UNC119: variants seen among roughly 807,000 people sequenced by gnomAD.
UNC119 encodes protein unc-119 homolog A.
Under a neutral mutation model 22.6 loss-of-function variants are expected in UNC119, and 15 were observed. That is an observed-to-expected ratio of 0.66 (90% CI 0.44 to 1.02). The LOEUF (loss-of-function observed/expected upper bound fraction) is 1.02, where lower values mean the gene tolerates loss of function less well. UNC119 is among the 50% of genes least tolerant of loss of function. The pLI is 0.00. For missense variants in UNC119, 322 were observed against 336.0 expected (o/e 0.96, Z 0.33); for synonymous variants, 138 against 139.4 (o/e 0.99, Z 0.07).
chr17:28,547,319 T>C lies in UNC119; in HGVS notation c.701A>G (p.Tyr234Cys), dbSNP rs898900330. 4.3e-6 allele frequency: 7 copies of C among 1,614,158 alleles called. No individual in the cohort carries two copies. The East Asian group carries it at 8.9e-5, about 21-fold the overall frequency. The change falls in exon 5 of 5, where the codon TAT becomes TGT. Residue 234 changes from tyrosine to cysteine, a missense_variant. Transcript: ENST00000335765. ...DRLVMHNKAD[Y>C]SYSGTP The stretch of plus-strand genomic sequence containing the variant: ...GGGTCAGGGTGTCCCGCTGTAGGAA[T>C]AGTCTGCTTTATTGTGCATCACCAG...
chr17:28,552,558 G>T lies in UNC119; in HGVS notation c.-1C>A. On this transcript the variant is annotated 5_prime_UTR_variant, in exon 1 of 5. Coordinates refer to ENST00000335765, the MANE Select transcript of UNC119 (RefSeq NM_005148.4). The stretch of plus-strand genomic sequence containing the variant: ...CACCGCCGCCCTTCTTCACCTTCAT[G>T]GCCTTGCGGGGCCGAGGCTCGCCTG... 6.6e-7 allele frequency: 1 copy of T among 1,514,216 alleles called. No homozygotes were observed. The highest frequency in any genetic ancestry group is 8.8e-7 in the Non-Finnish European group (1 of 1,140,532). 93.8% of individuals were successfully genotyped at this position (1,514,216 alleles called of 1,614,324 possible).
In UNC119 at chr17:28,552,350, G is replaced by C; in HGVS notation, c.208C>G (p.Arg70Gly). The C allele has an allele frequency of 6.5e-7, 1 of 1,537,354 alleles. No homozygotes were observed. Among genetic ancestry groups the C allele is most frequent in the East Asian group, 2.4e-5 (1 of 41,142 alleles). The change falls in exon 1 of 5, where the codon CGG becomes GGG. Residue 70 changes from arginine (R) to glycine (G), a missense_variant. By Grantham distance (125) the Arg-to-Gly change is moderately radical. Coordinates refer to ENST00000335765, the MANE Select transcript of UNC119 (RefSeq NM_005148.4). ...CGCGGGTGCTCACCACCGGTGATCC[G>C]CTGCAGCCCCAGCACGTCCTCCGGC... ...IGPEDVLGLQ[R>G]ITGDYLCSPE... is the part of the protein sequence containing the mutation.
At chr17:28,548,963 G>T in intron 1 of UNC119, 1 of 445,956 alleles carries the variant, frequency 2.2e-6, no homozygotes, top group Admixed American at 3.5e-5. Flanking sequence ...GCAGAGAAGG[G>T]TAGAGGACAA....
At chr17:28,547,966 AC>A in intron 3 of UNC119, 32 bp downstream of exon 3, 2 of 1,612,816 alleles carry the variant, frequency 1.2e-6, no homozygotes, top group Non-Finnish European at 1.7e-6. Context: ...CCTCTCCCTC[AC>A]CCCCACCACC....
rs1567611130 is a variant in UNC119 at position 28,548,632 on chromosome 17, T to G, written c.294A>C (p.Ser98=). ...TCTTGATTTCAAAGAGGACAGTGCC[T>G]GAGTCCATGTCCCGAATCTTAAACC... ...FVRFKIRDMD[S]GTVLFEIKKP... The change falls in exon 2 of 5, where the codon TCA becomes TCC. Residue 98 remains serine (S), a synonymous_variant. Coordinates refer to ENST00000335765, the MANE Select transcript of UNC119 (RefSeq NM_005148.4). The G allele has an allele frequency of 6.2e-7, 1 of 1,614,186 alleles. No individual in the cohort carries two copies.
At chr17:28,548,505 A>G (rs1049767042) in intron 2 of UNC119, 87 bp downstream of exon 2, 27 of 1,136,136 alleles carry the variant, frequency 2.4e-5, no homozygotes, top group Non-Finnish European at 3.3e-5. Context: ...AGCTCTGTGG[A>G]CTCCTCTGTG....
At chr17:28,548,173 G>C (rs879486042) in intron 2 of UNC119, 72 bp from the exon 3 acceptor site, 5 of 1,463,992 alleles carry the variant, frequency 3.4e-6, no homozygotes, top group Non-Finnish European at 3.7e-6. Flanking sequence ...TCTACCCTTG[G>C]GTCCCCATCT....
At position 28,552,448 on chromosome 17, in the gene UNC119, G is replaced by A; in HGVS notation, c.110C>T (p.Ser37Phe). The change falls in exon 1 of 5, where the codon TCT becomes TTT. Residue 37 changes from serine (S) to phenylalanine (F), a missense_variant. Transcript: ENST00000335765. ...TGCGTCCGGCTCCGACTCGGACCCA[G>A]ATTCGGATTCCGCAGGCGGCTGTGG... The part of the protein sequence containing the change: ...PIPQPPAESE[S>F]GSESEPDAGP... 6.3e-7 allele frequency: 1 copy of A among 1,576,606 alleles called. No individual in the cohort carries two copies. Among genetic ancestry groups the A allele is most frequent in the Non-Finnish European group, 8.5e-7 (1 of 1,169,822 alleles).
At chr17:28,548,155 C>T (rs1414747382) in intron 2 of UNC119, 54 bp from the exon 3 acceptor site, 28 of 1,543,916 alleles carry the variant, frequency 1.8e-5, no homozygotes, top group Non-Finnish European at 1.8e-6. Context: ...CCCTTGTCCA[C>T]CCAGGGTTCT....
intron 1 of UNC119, chr17:28,551,957 G>A: frequency 2.6e-6 from 1 of 379,016 alleles, no homozygotes; most frequent in South Asian, 2.1e-5. Context: ...TGGGGGCTGA[G>A]GACAGGCTGC....
chr17:28,552,584 C>T lies in UNC119; in HGVS notation c.-27G>A, dbSNP rs909006208. ...GCCTTGCGGGGCCGAGGCTCGCCTG[C>T]TGCTGCCGCCGCTGCCTGCGCCGGC... On this transcript the variant is annotated 5_prime_UTR_variant, in exon 1 of 5. Transcript: ENST00000335765. The T allele has an allele frequency of 6.7e-7, 1 of 1,484,022 alleles. No individual in the cohort carries two copies. The highest frequency in any genetic ancestry group is 2.3e-5 in the Admixed American group (1 of 43,604). 91.9% of individuals were successfully genotyped at this position (1,484,022 alleles called of 1,614,324 possible). A position where few individuals can be genotyped will look rare whatever the true frequency, so the allele number is the denominator to read the frequency against.
intron 1 of UNC119, 33 bp from the exon 2 acceptor site, chr17:28,548,738 G>T: frequency 1.3e-6 from 2 of 1,571,546 alleles, no homozygotes; most frequent in Non-Finnish European, 1.8e-6. Flanking sequence ...CAAGGAAGGG[G>T]CCGCAAAGCC....
chr17:28,547,745 A>T lies in UNC119; in HGVS notation c.542T>A (p.Phe181Tyr). 6.2e-7 allele frequency: 1 copy of T among 1,614,234 alleles called. No homozygotes were observed. The highest frequency in any genetic ancestry group is 2.2e-5 in the East Asian group (1 of 44,892). ...LLKSFDFHFG[F>Y]CIPSSKNTCE... ...GGTGTTCTTGCTGCTGGGGATGCAG[A>T]AGCCAAAGTGGAAGTCGAAGCTTTT... The change falls in exon 4 of 5, where the codon TTC (phenylalanine) becomes TAC (tyrosine). Residue 181 changes from phenylalanine (F) to tyrosine (Y), a missense_variant. By Grantham distance (22) the Phe-to-Tyr change is conservative. Transcript: ENST00000335765.
intron 1 of UNC119, chr17:28,552,108 A>C: frequency 4.3e-6 from 3 of 695,594 alleles, no homozygotes; most frequent in East Asian, 2.8e-5. Context: ...AAAGGAAGGA[A>C]TAAATCTCGA....
At position 28,552,482 on chromosome 17, in the gene UNC119, C is replaced by T. The variant is rs1404145899; in HGVS notation, c.76G>A (p.Ala26Thr). 4 of 1,577,050 alleles carry T rather than the reference C, an allele frequency of 2.5e-6. No homozygotes were observed. Among genetic ancestry groups the T allele is most frequent in the Non-Finnish European group, 3.4e-6 (4 of 1,170,548 alleles). ...TCCGCAGGCGGCTGTGGTATGGGGGCCACGCTCTGGCCCGAGGGCCCCGGA... is the reference window on the plus strand; with the variant it reads ...TCCGCAGGCGGCTGTGGTATGGGGGTCACGCTCTGGCCCGAGGGCCCCGGA... ...SAPGPSGQSV[A>T]PIPQPPAESE... The change falls in exon 1 of 5, where the codon GCC becomes ACC. Residue 26 changes from alanine (A) to threonine (T), a missense_variant. Ala to Thr is a moderately conservative substitution (Grantham distance 58). Coordinates refer to ENST00000335765, the MANE Select transcript of UNC119 (RefSeq NM_005148.4).
At position 28,552,378 on chromosome 17, in the gene UNC119, G is replaced by C. The variant is rs1249052573; in HGVS notation, c.180C>G (p.Ile60Met). The change falls in exon 1 of 5, where the codon ATC (isoleucine) becomes ATG (methionine). Residue 60 changes from isoleucine to methionine, a missense_variant. Ile to Met is a conservative substitution (Grantham distance 10). Coordinates refer to ENST00000335765, the MANE Select transcript of UNC119 (RefSeq NM_005148.4). The part of the protein sequence containing the change: ...RPGPLQRKQP[I>M]GPEDVLGLQR... Reference sequence around the variant, plus strand: ...GCAGCCCCAGCACGTCCTCCGGCCCGATCGGCTGCTTCCTCTGCAGCGGCC... The same window carrying C: ...GCAGCCCCAGCACGTCCTCCGGCCCCATCGGCTGCTTCCTCTGCAGCGGCC... 1 of 1,548,122 alleles carries C rather than the reference G, an allele frequency of 6.5e-7. No homozygotes were observed. Among genetic ancestry groups the C allele is most frequent in the Non-Finnish European group, 8.7e-7 (1 of 1,154,190 alleles).
At chr17:28,547,874 TAA>T (rs770534020) in intron 3 of UNC119, 25 bp from the exon 4 acceptor site, 57 of 1,613,670 alleles carry the variant, frequency 3.5e-5, no homozygotes, top group African/African-American at 6.7e-5. Flanking sequence ...GAGGCAGGGC[TAA>T]GTCTGTCCTT....
In UNC119 at chr17:28,548,665, G is replaced by C; in HGVS notation, c.261C>G (p.Asp87Glu). The change falls in exon 2 of 5, where the codon GAC (aspartate) becomes GAG (glutamate). Residue 87 changes from aspartate to glutamate, a missense_variant. Physicochemically the swap from Asp to Glu is conservative, Grantham distance 45. Transcript: ENST00000335765. ...CSPEENIYKI[D>E]FVRFKIRDMD... ...TGTCCCGAATCTTAAACCTGACAAA[G>C]TCGATCTTGTAGATATTCTCCTCAG... The C allele has an allele frequency of 6.2e-7, 1 of 1,614,176 alleles. No homozygotes were observed. The highest frequency in any genetic ancestry group is 8.5e-7 in the Non-Finnish European group (1 of 1,180,022).
At chr17:28,550,147 T>C (rs1017925038) in intron 1 of UNC119, 7 of 152,238 alleles carry the variant, frequency 4.6e-5, no homozygotes, top group African/African-American at 1.4e-4. Context: ...AGCCCACATG[T>C]GGGGTGGGGA....
Sources: gnomAD v4.1 joint callset for allele counts on GRCh38, gnomAD v4.1.1 for gene constraint, MANE v1.5 for transcripts, NCBI Gene and HGNC (gene_info 2026-07-23, HGNC 2026-07-21) for gene names.